Variants in SUGCT observed in about 807,000 individuals in gnomAD.
The protein encoded by SUGCT is succinyl-CoA:glutarate CoA-transferase.
A neutral mutation model predicts 55.0 loss-of-function variants in SUGCT; 41 were observed. The ratio of observed to expected loss-of-function variants is 0.74; its 90% CI spans 0.58 to 0.97. SUGCT has a LOEUF of 0.97. SUGCT is among the 50% of genes least tolerant of loss of function. SUGCT has a pLI of 0.00. For synonymous variants in SUGCT, 187 were observed against 200.4 expected, an observed-to-expected ratio of 0.93 and a Z score of 0.56; for missense variants, 568 against 547.8, an observed-to-expected ratio of 1.04 and a Z score of -0.37.
chr7:40,202,764 G>A (rs564705591), intron 6 of SUGCT, among the ~76,000 whole-genome samples: 1 of 152,216 alleles, frequency 6.6e-6, no homozygotes, highest in East Asian at 1.9e-4. Flanking sequence ...TTTTGTGGTT[G>A]TCTATACACA....
chr7:40,658,578 G>A (rs971316717), intron 12 of SUGCT, among the ~76,000 whole-genome samples: 7 of 152,102 alleles, frequency 4.6e-5, no homozygotes, highest in African/African-American at 1.7e-4. Flanking sequence ...GTTACAGGCG[G>A]TAGGGGAAGT....
At chr7:40,208,176 T>G (rs535301602) in intron 6 of SUGCT, among the ~76,000 whole-genome samples, 4 of 151,978 alleles carry the variant, frequency 2.6e-5, no homozygotes, top group Admixed American at 1.3e-4. Flanking sequence ...TTGCTAGAGG[T>G]TGGGAGGAAG....
chr7:40,410,160 G>A (rs1346180109), intron 9 of SUGCT, among the ~76,000 whole-genome samples: 1 of 151,938 alleles, frequency 6.6e-6, no homozygotes, highest in Non-Finnish European at 1.5e-5. Flanking sequence ...GTCATAACTG[G>A]CCACATCACC....
chr7:40,262,714 C>A (rs1791308219), intron 7 of SUGCT, among the ~76,000 whole-genome samples: 1 of 151,974 alleles, frequency 6.6e-6, no homozygotes, highest in Non-Finnish European at 1.5e-5. Flanking sequence ...TTCTTGACTG[C>A]AGTTGTAGAA....
intron 9 of SUGCT, among the ~76,000 whole-genome samples, chr7:40,342,405 T>C (rs1156633356): frequency 6.6e-6 from 1 of 152,076 alleles, no homozygotes; most frequent in African/African-American, 2.4e-5. Context: ...TTCAATAGAG[T>C]AATCAACCAT....
At chr7:40,472,983 A>T (rs1273549068) in intron 11 of SUGCT, among the ~76,000 whole-genome samples, 4 of 152,194 alleles carry the variant, frequency 2.6e-5, no homozygotes, top group Admixed American at 6.6e-5. Context: ...TTCCTTACAA[A>T]TGCATTGAGA....
At chr7:40,229,269 A>C (rs1223960184) in intron 6 of SUGCT, among the ~76,000 whole-genome samples, 1 of 152,242 alleles carries the variant, frequency 6.6e-6, no homozygotes, top group East Asian at 1.9e-4. Flanking sequence ...CTGTAATCCC[A>C]GCAGTTTGGG....
intron 1 of SUGCT, among the ~76,000 whole-genome samples, chr7:40,166,992 C>T (rs1415476167): frequency 6.6e-6 from 1 of 152,012 alleles, no homozygotes; most frequent in African/African-American, 2.4e-5. Flanking sequence ...TAGACAGTTT[C>T]TTAAAAAGCT....
At chr7:40,221,703 C>G (rs931567870) in intron 6 of SUGCT, among the ~76,000 whole-genome samples, 6 of 152,020 alleles carry the variant, frequency 3.9e-5, no homozygotes, top group Non-Finnish European at 8.8e-5. Context: ...GTTGGCCAGG[C>G]TGGTCTTGAA....
intron 13 of SUGCT, among the ~76,000 whole-genome samples, chr7:40,773,520 T>C (rs1263747126): frequency 6.6e-6 from 1 of 152,212 alleles, no homozygotes; most frequent in African/African-American, 2.4e-5. Flanking sequence ...TGCTCTAGGC[T>C]CAAAAACAAC....
At chr7:40,143,515 C>A (rs142703702) in intron 1 of SUGCT, among the ~76,000 whole-genome samples, 1 of 152,216 alleles carries the variant, frequency 6.6e-6, no homozygotes, top group East Asian at 1.9e-4. Context: ...TGGATGACCA[C>A]CCTAGTGGAA....
rs146343203 is a variant in SUGCT at position 40,427,500 on chromosome 7, T to A, written c.817-21787T>A. Among the ~76,000 whole-genome samples the A allele has an allele frequency of 7.4e-3, 1,134 of 152,308 alleles. 14 individuals are homozygous for A. Among genetic ancestry groups the A allele is most frequent in the African/African-American group, 0.026 (1,076 of 41,570 alleles). On this transcript the variant is annotated intron_variant, in intron 9 of 13. Transcript: ENST00000335693. ...CAGTGATTACTTTAAAAAACTTTAA[T>A]TGTTAAATAGTTGTCTTTATGTTCC...
chr7:40,303,805 T>C (rs1794682452), intron 8 of SUGCT, among the ~76,000 whole-genome samples: 1 of 152,278 alleles, frequency 6.6e-6, no homozygotes. Flanking sequence ...TTGGAGGGGA[T>C]AATACATTAT....
chr7:40,569,117 C>G (rs926461268), intron 12 of SUGCT, among the ~76,000 whole-genome samples: 24 of 152,180 alleles, frequency 1.6e-4, no homozygotes, highest in African/African-American at 5.5e-4. Context: ...AGCCTCATTG[C>G]ACATATATGC....
At chr7:40,475,480 C>G (rs1201363976) in intron 11 of SUGCT, among the ~76,000 whole-genome samples, 2 of 152,158 alleles carry the variant, frequency 1.3e-5, no homozygotes, top group African/African-American at 4.8e-5. Flanking sequence ...CCTCATATAC[C>G]TGTTTAAAAC....
intron 12 of SUGCT, among the ~76,000 whole-genome samples, chr7:40,649,402 G>GC (rs1364390115): frequency 1.3e-5 from 2 of 150,568 alleles, no homozygotes; most frequent in East Asian, 4.1e-4. Context: ...CTTTACAGAT[G>GC]GGGGGGGAAG....
At chr7:40,503,775 T>C (rs1792432732) in intron 12 of SUGCT, among the ~76,000 whole-genome samples, 1 of 152,170 alleles carries the variant, frequency 6.6e-6, no homozygotes, top group African/African-American at 2.4e-5. Context: ...CAATAGCAGA[T>C]GTCAGAAAGA....
intron 1 of SUGCT, among the ~76,000 whole-genome samples, chr7:40,174,953 G>GA: frequency 6.6e-6 from 1 of 152,018 alleles, no homozygotes. Flanking sequence ...AATGTGGTGA[G>GA]AAAAAAAATT....
intron 12 of SUGCT, among the ~76,000 whole-genome samples, chr7:40,696,541 A>T (rs1450680961): frequency 1.3e-5 from 2 of 152,074 alleles, no homozygotes; most frequent in African/African-American, 4.8e-5. Flanking sequence ...AGCCAAATTT[A>T]TATCTTTGTT....
Sources: allele counts gnomAD v4.1 joint callset (sites outside exome capture counted in the v4.1 genomes callset), GRCh38; gene constraint gnomAD v4.1.1; transcripts MANE v1.5; gene names NCBI Gene and HGNC (gene_info 2026-07-23, HGNC 2026-07-21).